Variants in ELAVL4 observed in about 807,000 individuals in gnomAD.
The protein encoded by ELAVL4 is ELAV like RNA binding protein 4.
Under a neutral mutation model 35.6 loss-of-function variants are expected in ELAVL4, and 1 was observed. The observed-to-expected ratio is 0.03, with a 90% confidence interval of 0.01 to 0.13. ELAVL4 has a LOEUF of 0.13. Ranked by LOEUF, ELAVL4 falls within the 10% of genes least tolerant of loss-of-function variation. The probability of loss-of-function intolerance (pLI) is 1.00; values close to 1 mark genes in which losing one functional copy is unlikely to be tolerated. For missense variants in ELAVL4, 267 were observed against 464.9 expected, an observed-to-expected ratio of 0.57 and a Z score of 3.91; for synonymous variants, 156 against 171.0, an observed-to-expected ratio of 0.91 and a Z score of 0.69.
At position 50,201,445 on chromosome 1, in the gene ELAVL4, C is replaced by T. The variant is rs574184440; in HGVS notation, c.*267C>T. The T allele has an allele frequency of 3.6e-5, 8 of 221,844 alleles. No homozygotes were observed. The highest frequency in any genetic ancestry group is 9.4e-5 in the East Asian group (1 of 10,664). The allele number at this position is 221,844 out of a possible 1,614,324, so 13.7% of individuals were successfully genotyped here. On this transcript the variant is annotated 3_prime_UTR_variant, in exon 7 of 7. Transcript: ENST00000371824. The surrounding 1 kb of genome is among the most constrained non-coding windows in gnomAD (Gnocchi z 4.3). ...GCATTGAATGTTCTTTCATAGCTGT[C>T]GTTGTTGAATATAATATACATAGAT...
chr1:50,122,453 T>G (rs1382511909), intron 1 of ELAVL4, among the ~76,000 whole-genome samples: 1 of 152,128 alleles, frequency 6.6e-6, no homozygotes, highest in Non-Finnish European at 1.5e-5. Context: ...GTTGGATTAA[T>G]TCTCCTCTAG....
intron 1 of ELAVL4, among the ~76,000 whole-genome samples, chr1:50,077,937 A>T (rs948851770): frequency 6.6e-6 from 1 of 152,174 alleles, no homozygotes; most frequent in Non-Finnish European, 1.5e-5. Context: ...GAAGAGGAGC[A>T]CAGTCTCTGG....
chr1:50,151,505 C>A (rs902783885), intron 2 of ELAVL4, among the ~76,000 whole-genome samples: 7 of 152,208 alleles, frequency 4.6e-5, no homozygotes, highest in Non-Finnish European at 8.8e-5. Flanking sequence ...GAAATGGATG[C>A]TGCCTACAAT....
intron 1 of ELAVL4, among the ~76,000 whole-genome samples, chr1:50,112,261 A>C (rs1180875086): frequency 3.9e-5 from 6 of 152,092 alleles, no homozygotes; most frequent in Non-Finnish European, 8.8e-5. Flanking sequence ...GAATTTTTTT[A>C]AGTCTCCAAT....
At chr1:50,197,619 C>T (rs1225255447) in intron 6 of ELAVL4, 152 bp downstream of exon 6, 9 of 650,060 alleles carry the variant, frequency 1.4e-5, no homozygotes, top group Non-Finnish European at 2.2e-5. Flanking sequence ...TAATTTCGGA[C>T]CTCAGTTGAT....
intron 1 of ELAVL4, among the ~76,000 whole-genome samples, chr1:50,083,388 T>G (rs1665096059): frequency 6.6e-6 from 1 of 152,128 alleles, no homozygotes; most frequent in South Asian, 2.1e-4. Context: ...TTTAGGTACA[T>G]TATTACTAAT....
chr1:50,127,117 C>G (rs1670068142), intron 1 of ELAVL4, among the ~76,000 whole-genome samples: 1 of 151,992 alleles, frequency 6.6e-6, no homozygotes, highest in Non-Finnish European at 1.5e-5. Flanking sequence ...GAGAAAGAAG[C>G]CTGATGGGTT....
intron 2 of ELAVL4, among the ~76,000 whole-genome samples, chr1:50,161,578 A>C (rs1676816969): frequency 6.6e-6 from 1 of 152,178 alleles, no homozygotes; most frequent in South Asian, 2.1e-4. Flanking sequence ...AGTTCAGATT[A>C]GTTCAGTTTT....
At chr1:50,132,616 T>A (rs1417348226) in intron 1 of ELAVL4, among the ~76,000 whole-genome samples, 1 of 152,216 alleles carries the variant, frequency 6.6e-6, no homozygotes, top group East Asian at 1.9e-4. Context: ...AGACTGTTTC[T>A]AGAAATGTGA....
At chr1:50,088,758 G>A (rs1443736442) in intron 1 of ELAVL4, among the ~76,000 whole-genome samples, 1 of 151,942 alleles carries the variant, frequency 6.6e-6, no homozygotes, top group Non-Finnish European at 1.5e-5. Context: ...TCAATCACTC[G>A]GTGCACTAGA....
At chr1:50,053,714 G>A (rs1663515057) in intron 1 of ELAVL4, among the ~76,000 whole-genome samples, 1 of 152,070 alleles carries the variant, frequency 6.6e-6, no homozygotes, top group Admixed American at 6.5e-5. Context: ...ATGTATCAGT[G>A]AACAAAACTC....
At chr1:50,108,857 C>A, upstream of ELAVL4, 1 of 1,006,118 alleles carries the variant, frequency 9.9e-7, no homozygotes, top group Non-Finnish European at 1.2e-6. Context: ...TTTCCCCAGC[C>A]AATCAGATCC....
At chr1:50,183,847 G>C (rs1256851276) in intron 3 of ELAVL4, among the ~76,000 whole-genome samples, 1 of 152,064 alleles carries the variant, frequency 6.6e-6, no homozygotes, top group Admixed American at 6.5e-5. Flanking sequence ...ATCATTTTTT[G>C]CTGATGGATA....
intron 6 of ELAVL4, among the ~76,000 whole-genome samples, chr1:50,199,974 T>A (rs569692176): frequency 4.3e-4 from 66 of 152,250 alleles, no homozygotes; most frequent in African/African-American, 1.5e-3. Context: ...ATAGGGCAAA[T>A]AACAATTCTA....
At chr1:50,180,016 C>T (rs1572561975) in intron 3 of ELAVL4, 2 of 151,940 alleles carry the variant, frequency 1.3e-5, no homozygotes, top group South Asian at 4.2e-4. Context: ...TGCCAATCTC[C>T]CAATTTTTAA....
chr1:50,112,899 G>A (rs915341970), intron 1 of ELAVL4, among the ~76,000 whole-genome samples: 3 of 152,080 alleles, frequency 2.0e-5, no homozygotes, highest in African/African-American at 7.2e-5. Flanking sequence ...GTTGTTATGA[G>A]AGGAAGGCCA....
intron 1 of ELAVL4, among the ~76,000 whole-genome samples, chr1:50,077,274 G>A (rs1664805590): frequency 6.6e-6 from 1 of 152,194 alleles, no homozygotes; most frequent in African/African-American, 2.4e-5. Flanking sequence ...TCAGCAAGAT[G>A]GAGACCCAAG....
At chr1:50,185,457 C>T (rs1008079182) in intron 3 of ELAVL4, among the ~76,000 whole-genome samples, 14 of 152,198 alleles carry the variant, frequency 9.2e-5, no homozygotes, top group South Asian at 6.2e-4. Context: ...GCCAAGCACA[C>T]GGCTTTTATT....
intron 1 of ELAVL4, among the ~76,000 whole-genome samples, chr1:50,077,241 G>A (rs1664804403): frequency 6.6e-6 from 1 of 152,166 alleles, no homozygotes; most frequent in Non-Finnish European, 1.5e-5. Context: ...ATTGCAGAGG[G>A]TCACAAATCC....
Sources: gnomAD v4.1 joint callset for allele counts (sites outside exome capture counted in the v4.1 genomes callset) on GRCh38, gnomAD v4.1.1 for gene constraint, Gnocchi (gnomAD v3.1) non-coding constraint, MANE v1.5 for transcripts, NCBI Gene and HGNC (gene_info 2026-07-23, HGNC 2026-07-21) for gene names.